Variants in TENM3 observed in about 807,000 individuals in gnomAD.
The protein encoded by TENM3 is teneurin-3.
TENM3 carries 63 observed loss-of-function variants against 255.1 expected under a neutral mutation model. The observed-to-expected ratio is 0.25, with a 90% confidence interval of 0.20 to 0.30. TENM3 has a LOEUF of 0.30. TENM3 is among the 10% of genes least tolerant of loss of function. TENM3 has a pLI of 1.00. For synonymous variants in TENM3, 1,306 were observed against 1,322.3 expected, an observed-to-expected ratio of 0.99 and a Z score of 0.27; for missense variants, 2,929 against 3,461.1, an observed-to-expected ratio of 0.85 and a Z score of 3.86.
At chr4:181,472,350 C>T in the TENM3 span, among the ~76,000 whole-genome samples, 10 of 151,512 alleles carry the variant, frequency 6.6e-5, no homozygotes, top group African/African-American at 2.4e-4. Flanking sequence ...ACAAGACATT[C>T]GAGTGGCTGG....
At chr4:182,058,000 G>C in the TENM3 span, among the ~76,000 whole-genome samples, 1 of 151,928 alleles carries the variant, frequency 6.6e-6, no homozygotes, top group African/African-American at 2.4e-5. Context: ...ATATCTAAAA[G>C]AGCCATCTTA....
chr4:182,463,445 T>A (rs1162439151), intron 3 of TENM3, among the ~76,000 whole-genome samples: 3 of 151,998 alleles, frequency 2.0e-5, no homozygotes, highest in Non-Finnish European at 1.5e-5. Flanking sequence ...GTGCAATGGG[T>A]GCAATACTTT....
chr4:181,467,119 A>T, the TENM3 span, among the ~76,000 whole-genome samples: 4 of 56,292 alleles, frequency 7.1e-5, no homozygotes, highest in Non-Finnish European at 6.5e-5. Flanking sequence ...ATATATATAT[A>T]TATATATTTT....
At chr4:182,488,338 T>C (rs187268493) in intron 3 of TENM3, among the ~76,000 whole-genome samples, 1 of 152,208 alleles carries the variant, frequency 6.6e-6, no homozygotes, top group Admixed American at 6.5e-5. Flanking sequence ...CATGATTTGG[T>C]GATGTATTTA....
chr4:181,577,201 A>C, the TENM3 span, among the ~76,000 whole-genome samples: 4 of 127,484 alleles, frequency 3.1e-5, no homozygotes, highest in Non-Finnish European at 6.5e-5. Flanking sequence ...TATATATTAT[A>C]TATATATATT....
chr4:182,157,583 G>A (rs1750799190), intron 1 of TENM3, among the ~76,000 whole-genome samples: 1 of 152,156 alleles, frequency 6.6e-6, no homozygotes, highest in African/African-American at 2.4e-5. Flanking sequence ...TGTGGCCTCT[G>A]GACTTCGGTC....
chr4:182,472,320 A>G (rs2151459356), intron 3 of TENM3, among the ~76,000 whole-genome samples: 1 of 152,266 alleles, frequency 6.6e-6, no homozygotes, highest in East Asian at 1.9e-4. Context: ...TTTCTTAGAC[A>G]TAATTATGGC....
the TENM3 span, among the ~76,000 whole-genome samples, chr4:181,475,494 G>A: frequency 1.3e-5 from 2 of 152,288 alleles, no homozygotes; most frequent in East Asian, 3.9e-4. Context: ...TATTTGAGAT[G>A]TGAGACACAT....
At chr4:182,567,084 TAA>T (rs1044259819) in intron 3 of TENM3, among the ~76,000 whole-genome samples, 2 of 152,102 alleles carry the variant, frequency 1.3e-5, no homozygotes, top group African/African-American at 2.4e-5. Context: ...GAGAGGTAAA[TAA>T]AAGAGACATA....
At chr4:182,369,364 A>T (rs1766645352) in intron 3 of TENM3, among the ~76,000 whole-genome samples, 4 of 152,232 alleles carry the variant, frequency 2.6e-5, no homozygotes, top group Admixed American at 2.0e-4. Flanking sequence ...CAAAGCCAGC[A>T]GTTAAAGCCA....
At chr4:181,731,527 A>AT in the TENM3 span, among the ~76,000 whole-genome samples, 1 of 151,834 alleles carries the variant, frequency 6.6e-6, no homozygotes, top group African/African-American at 2.4e-5. Context: ...AGTTTTTTAT[A>AT]TTTTTTGTAG....
the TENM3 span, among the ~76,000 whole-genome samples, chr4:181,992,256 C>A: frequency 2.4e-4 from 37 of 152,212 alleles, no homozygotes; most frequent in East Asian, 2.9e-3. Flanking sequence ...GGTGTCTTTA[C>A]CCTTTCAAAC....
chr4:182,658,243 T>C (rs1010677939), intron 6 of TENM3, among the ~76,000 whole-genome samples: 5 of 152,248 alleles, frequency 3.3e-5, no homozygotes, highest in Admixed American at 2.6e-4. Flanking sequence ...GCTTCTGTGA[T>C]ACCACATTCA....
intron 18 of TENM3, 44 bp from the exon 19 acceptor site, chr4:182,743,126 C>T (rs1231656306): frequency 1.9e-6 from 3 of 1,551,310 alleles, no homozygotes; most frequent in African/African-American, 1.4e-5. Flanking sequence ...TTCATCTTTA[C>T]ACTTTTTCAT....
intron 16 of TENM3, 40 bp downstream of exon 16, chr4:182,731,179 C>A (rs1176797930): frequency 6.3e-7 from 1 of 1,591,490 alleles, no homozygotes; most frequent in East Asian, 2.2e-5. Flanking sequence ...AATACAAGAT[C>A]TTCAGATCAT....
intron 3 of TENM3, among the ~76,000 whole-genome samples, chr4:182,545,281 C>A (rs1741321386): frequency 6.6e-6 from 1 of 152,098 alleles, no homozygotes; most frequent in African/African-American, 2.4e-5. Flanking sequence ...TGTAAGAACT[C>A]ATTAATAGAT....
the TENM3 span, among the ~76,000 whole-genome samples, chr4:181,591,310 G>A: frequency 6.6e-6 from 1 of 152,112 alleles, no homozygotes; most frequent in Non-Finnish European, 1.5e-5. Flanking sequence ...TTGGAAGATA[G>A]TTTGGAAGTT....
chr4:181,897,450 G>A, the TENM3 span, among the ~76,000 whole-genome samples: 1 of 152,124 alleles, frequency 6.6e-6, no homozygotes, highest in Non-Finnish European at 1.5e-5. Flanking sequence ...TATCCAATTA[G>A]TCTCTTCTCA....
the TENM3 span, among the ~76,000 whole-genome samples, chr4:182,003,192 T>A: frequency 6.6e-6 from 1 of 152,138 alleles, no homozygotes; most frequent in Non-Finnish European, 1.5e-5. Flanking sequence ...TTCTTGTAGT[T>A]CAGCATCTCT....
Sources: allele counts gnomAD v4.1 joint callset (sites outside exome capture counted in the v4.1 genomes callset), GRCh38; gene constraint gnomAD v4.1.1; transcripts MANE v1.5; gene names NCBI Gene and HGNC (gene_info 2026-07-23, HGNC 2026-07-21).